Variants in MYCBP2 observed in about 807,000 individuals in gnomAD.
MYCBP2 encodes the protein MYC binding protein 2.
In MYCBP2, 120 loss-of-function variants were observed where a neutral mutation model predicts 525.3. The observed-to-expected ratio is 0.23, with a 90% CI of 0.20 to 0.27. The LOEUF (loss-of-function observed/expected upper bound fraction) is 0.27, where lower values mean the gene tolerates loss of function less well. Among genes scored for constraint, MYCBP2 ranks in the 10% least tolerant of loss-of-function variants. The pLI is 1.00. For synonymous variants in MYCBP2, 1,894 were observed against 1,955.8 expected (o/e 0.97, Z 0.83); for missense variants, 4,149 against 5,657.1 (o/e 0.73, Z 8.55).
chr13:77,194,346 A>C, intron 26 of MYCBP2, 102 bp from the exon 27 acceptor site: 1 of 750,910 alleles, frequency 1.3e-6, no homozygotes, highest in Non-Finnish European at 2.2e-6. Flanking sequence ...GCTGGACCAT[A>C]CCAAATGTAA....
rs933035711 is a variant in MYCBP2, at chr13:77,298,426, C to T, written c.303-1752G>A. Among the ~76,000 whole-genome samples the T allele has an allele frequency of 1.1e-4, 16 of 152,190 alleles. 1 individual carries two copies. Among genetic ancestry groups the T allele is most frequent in the South Asian group, 2.1e-4 (1 of 4,834 alleles). On this transcript the variant is annotated intron_variant, in intron 1 of 82. Coordinates refer to ENST00000544440, the MANE Select transcript of MYCBP2 (RefSeq NM_015057.5). ...GGAACTGTTTAATGTATTGCTTCCT[C>T]GCCAAGCTAAAAGCTCCAATAGTGC... is the stretch of plus-strand genomic sequence containing the variant.
rs397851660 is a variant in MYCBP2, at chr13:77,276,816, G to GTTTT, written c.748+1938_748+1941dup. ...TGAGTAGCACTCATTTCCATGCCCA[G>GTTTT]TTTTTTTTTTTTTTTTTTTTTTTGG... On this transcript the variant is annotated intron_variant, in intron 4 of 82. Coordinates refer to ENST00000544440, the MANE Select transcript of MYCBP2 (RefSeq NM_015057.5). Among the ~76,000 whole-genome samples the GTTTT allele has an allele frequency of 8.8e-4, 67 of 76,174 alleles. 1 individual carries two copies. The highest frequency in any genetic ancestry group is 2.1e-3 in the South Asian group (4 of 1,914). 50.0% of individuals were successfully genotyped at this position (76,174 alleles called of 152,430 possible). A position where few individuals can be genotyped will look rare whatever the true frequency, so the allele number is the denominator to read the frequency against.
chr13:77,303,796 T>C (rs780623607), intron 1 of MYCBP2, among the ~76,000 whole-genome samples: 4 of 150,994 alleles, frequency 2.6e-5, no homozygotes, highest in Non-Finnish European at 4.4e-5. Flanking sequence ...GAAAGTAAAT[T>C]ATCTAGACTT....
rs1368382861 is a variant in MYCBP2 at position 77,203,439 on chromosome 13, A to T, written c.3843+1817T>A. Among the ~76,000 whole-genome samples, 8 of 152,298 alleles carry T rather than the reference A, an allele frequency of 5.3e-5. No individual in the cohort carries two copies. The South Asian group carries it at 1.7e-3, about 32-fold the overall frequency. ...GAACATCCCATGCTCATGGGTAGGAAGAATCAATATCGTGAAAATGGCCAT... is the reference window on the plus strand; with the variant it reads ...GAACATCCCATGCTCATGGGTAGGATGAATCAATATCGTGAAAATGGCCAT... On this transcript the variant is annotated intron_variant, in intron 26 of 82. Coordinates refer to ENST00000544440, the MANE Select transcript of MYCBP2 (RefSeq NM_015057.5).
intron 59 of MYCBP2, 127 bp downstream of exon 59, chr13:77,093,038 C>T: frequency 1.2e-6 from 1 of 858,590 alleles, no homozygotes; most frequent in Non-Finnish European, 1.8e-6. Context: ...CTTTTTCTTA[C>T]TGCTCCAGCA....
intron 20 of MYCBP2, 82 bp from the exon 21 acceptor site, chr13:77,218,039 G>C (rs2065063425): frequency 1.1e-6 from 1 of 877,582 alleles, no homozygotes; most frequent in Non-Finnish European, 1.8e-6. Flanking sequence ...ATGCAACAAG[G>C]AGTAGGAAAG....
intron 55 of MYCBP2, among the ~76,000 whole-genome samples, chr13:77,114,676 A>G (rs1430995507): frequency 3.3e-5 from 5 of 152,112 alleles, no homozygotes; most frequent in African/African-American, 1.2e-4. Flanking sequence ...TGTGCTTGAA[A>G]GTACTGTCTT....
rs557656170 is a variant in MYCBP2, at chr13:77,155,977, C to T, written c.6915+81G>A. Reference sequence around the variant, plus strand: ...AAAGAGGGTAGAACAAATGGACTCTCAGCACTTGGCATTTCTAAAATTTTA... The same window carrying T: ...AAAGAGGGTAGAACAAATGGACTCTTAGCACTTGGCATTTCTAAAATTTTA... On this transcript the variant is annotated intron_variant, in intron 46 of 82. Transcript: ENST00000544440. The T allele has an allele frequency of 7.3e-6, 10 of 1,364,550 alleles. No individual in the cohort carries two copies. In the Admixed American group the frequency reaches 2.0e-4, roughly 27 times the overall value. The allele number at this position is 1,364,550 out of a possible 1,614,324, so 84.5% of individuals were successfully genotyped here.
intron 55 of MYCBP2, among the ~76,000 whole-genome samples, chr13:77,106,924 T>C (rs553155379): frequency 6.6e-6 from 1 of 152,268 alleles, no homozygotes; most frequent in African/African-American, 2.4e-5. Context: ...AACTAAGATA[T>C]TGGCAAGAGC....
chr13:77,185,784 G>T, intron 31 of MYCBP2, 87 bp downstream of exon 31: 3 of 951,316 alleles, frequency 3.2e-6, no homozygotes, highest in Non-Finnish European at 3.0e-6. Flanking sequence ...CAGCTGGGGG[G>T]CATAAACTCT....
intron 58 of MYCBP2, 93 bp from the exon 59 acceptor site, chr13:77,093,425 G>C: frequency 9.4e-7 from 1 of 1,059,730 alleles, no homozygotes; most frequent in Non-Finnish European, 1.4e-6. Context: ...AGCAGCACAT[G>C]TAAATCATAG....
chr13:77,095,746 T>C, intron 57 of MYCBP2, 144 bp from the exon 58 acceptor site: 5 of 1,046,532 alleles, frequency 4.8e-6, no homozygotes, highest in Non-Finnish European at 6.7e-6. Flanking sequence ...AAAAACAACA[T>C]TCATTTCATA....
At chr13:77,255,111 T>C (rs577549359) in intron 14 of MYCBP2, among the ~76,000 whole-genome samples, 16 of 152,090 alleles carry the variant, frequency 1.1e-4, no homozygotes, top group African/African-American at 3.9e-4. Context: ...TTGATACATA[T>C]ACCCAGAAGT....
At chr13:77,188,163 C>G (rs1311812018) in intron 30 of MYCBP2, among the ~76,000 whole-genome samples, 1 of 150,546 alleles carries the variant, frequency 6.6e-6, no homozygotes, top group African/African-American at 2.4e-5. Flanking sequence ...GGAGAAAAAT[C>G]TTTCATATAC....
At chr13:77,200,160 T>C (rs1193077590) in intron 26 of MYCBP2, among the ~76,000 whole-genome samples, 2 of 151,780 alleles carry the variant, frequency 1.3e-5, no homozygotes, top group African/African-American at 4.8e-5. Flanking sequence ...TTTAGAAGAA[T>C]GTATAACTAG....
intron 55 of MYCBP2, among the ~76,000 whole-genome samples, chr13:77,114,775 A>T (rs980894666): frequency 3.3e-5 from 5 of 152,040 alleles, no homozygotes; most frequent in African/African-American, 9.7e-5. Flanking sequence ...ATTATAAAAT[A>T]AAAAAAGTAT....
At chr13:77,086,038 T>G (rs1288330458) in intron 62 of MYCBP2, among the ~76,000 whole-genome samples, 1 of 152,180 alleles carries the variant, frequency 6.6e-6, no homozygotes, top group Non-Finnish European at 1.5e-5. Context: ...AGGATTGATC[T>G]TTTATCATTT....
intron 14 of MYCBP2, among the ~76,000 whole-genome samples, chr13:77,252,235 T>G (rs899832807): frequency 6.6e-6 from 1 of 152,202 alleles, no homozygotes; most frequent in Non-Finnish European, 1.5e-5. Flanking sequence ...AGTAAATAAT[T>G]TAGGCTCTGT....
intron 69 of MYCBP2, among the ~76,000 whole-genome samples, chr13:77,069,221 C>T (rs1270344987): frequency 6.6e-6 from 1 of 152,200 alleles, no homozygotes; most frequent in African/African-American, 2.4e-5. Context: ...TGAAATTATA[C>T]ATGACATTTT....
Sources: allele counts gnomAD v4.1 joint callset (sites outside exome capture counted in the v4.1 genomes callset), GRCh38; gene constraint gnomAD v4.1.1; transcripts MANE v1.5; gene names NCBI Gene and HGNC (gene_info 2026-07-23, HGNC 2026-07-21).